IQCM: variants seen among roughly 807,000 people sequenced by gnomAD.
The protein encoded by IQCM is IQ domain-containing protein M.
In IQCM, 45 loss-of-function variants were observed where a neutral mutation model predicts 57.6. The ratio of observed to expected loss-of-function variants is 0.78; its 90% confidence interval spans 0.62 to 1.00. IQCM has a LOEUF of 1.00. IQCM is among the 50% of genes least tolerant of loss of function. IQCM has a pLI of 0.00. For synonymous variants in IQCM, 148 were observed against 158.9 expected (o/e 0.93, Z 0.51); for missense variants, 468 against 511.6 (o/e 0.91, Z 0.82).
At chr4:149,464,309 A>C (rs538291875) in intron 12 of IQCM, among the ~76,000 whole-genome samples, 3 of 152,254 alleles carry the variant, frequency 2.0e-5, no homozygotes, top group African/African-American at 7.2e-5. Context: ...CACTTAAATA[A>C]ATCTCAATCT....
chr4:149,450,848 T>C (rs1357724241), intron 12 of IQCM, among the ~76,000 whole-genome samples: 2 of 151,808 alleles, frequency 1.3e-5, no homozygotes, highest in Admixed American at 6.6e-5. Flanking sequence ...GATCTAGCAA[T>C]CCCACTGCTG....
chr4:149,434,638 C>A (rs1490916575), intron 12 of IQCM, among the ~76,000 whole-genome samples: 1 of 152,048 alleles, frequency 6.6e-6, no homozygotes. Context: ...TACCAGGTAT[C>A]CATCTATTGC....
intron 2 of IQCM, among the ~76,000 whole-genome samples, chr4:149,784,261 A>G (rs1486407045): frequency 3.3e-5 from 5 of 152,138 alleles, no homozygotes; most frequent in Admixed American, 2.0e-4. Context: ...TCTAGCTACA[A>G]TGGCCTTTAT....
chr4:149,502,178 ATG>A (rs1354636943), intron 12 of IQCM, among the ~76,000 whole-genome samples: 1 of 151,450 alleles, frequency 6.6e-6, no homozygotes, highest in Non-Finnish European at 1.5e-5. Flanking sequence ...ACACATATAT[ATG>A]TATGTATGTA....
At chr4:149,786,591 A>T (rs2150020641) in intron 2 of IQCM, among the ~76,000 whole-genome samples, 1 of 152,308 alleles carries the variant, frequency 6.6e-6, no homozygotes, top group East Asian at 1.9e-4. Flanking sequence ...GCCCAACATC[A>T]CTGATCATCA....
chr4:149,384,949 T>C (rs1371995985), intron 13 of IQCM, among the ~76,000 whole-genome samples: 3 of 152,106 alleles, frequency 2.0e-5, no homozygotes, highest in Non-Finnish European at 4.4e-5. Flanking sequence ...TTAGCTTCTT[T>C]ACTTTAAAAA....
intron 13 of IQCM, among the ~76,000 whole-genome samples, chr4:149,372,915 C>T (rs1221709609): frequency 5.3e-5 from 8 of 152,030 alleles, no homozygotes; most frequent in Non-Finnish European, 1.5e-5. Context: ...CTGAATAGCA[C>T]ATGAATATTG....
intron 7 of IQCM, among the ~76,000 whole-genome samples, chr4:149,659,002 T>A (rs1579885869): frequency 6.6e-6 from 1 of 152,188 alleles, no homozygotes; most frequent in East Asian, 1.9e-4. Context: ...TGAAGACTTC[T>A]AGTATTATGT....
intron 7 of IQCM, among the ~76,000 whole-genome samples, chr4:149,622,342 C>CTTTTTTTTT: frequency 7.1e-6 from 1 of 140,586 alleles, no homozygotes; most frequent in Non-Finnish European, 1.5e-5. Flanking sequence ...CAGTGGAATT[C>CTTTTTTTTT]TTTTTTATTT....
intron 13 of IQCM, among the ~76,000 whole-genome samples, chr4:149,352,453 T>C (rs1728643837): frequency 6.6e-6 from 1 of 152,222 alleles, no homozygotes; most frequent in Admixed American, 6.5e-5. Context: ...AAGTACTATG[T>C]TGAATCCACA....
At chr4:149,734,371 C>T (rs77895669) in intron 4 of IQCM, among the ~76,000 whole-genome samples, 1 of 152,024 alleles carries the variant, frequency 6.6e-6, no homozygotes, top group African/African-American at 2.4e-5. Flanking sequence ...AACATTCATC[C>T]CATGTTCCCA....
intron 7 of IQCM, among the ~76,000 whole-genome samples, chr4:149,665,586 G>T (rs915001148): frequency 6.6e-6 from 1 of 152,096 alleles, no homozygotes; most frequent in Non-Finnish European, 1.5e-5. Flanking sequence ...GTCTCTCTTT[G>T]TGGGGAGACA....
chr4:149,503,092 G>T (rs930624787), intron 12 of IQCM, among the ~76,000 whole-genome samples: 1 of 151,920 alleles, frequency 6.6e-6, no homozygotes, highest in Non-Finnish European at 1.5e-5. Context: ...GTGATGGCAT[G>T]TGGCTATAAT....
chr4:149,597,028 G>A (rs1216030261), intron 8 of IQCM, among the ~76,000 whole-genome samples: 4 of 152,022 alleles, frequency 2.6e-5, no homozygotes, highest in Non-Finnish European at 5.9e-5. Flanking sequence ...ATTATGTAAA[G>A]ACTATAAAAT....
chr4:149,601,071 T>C (rs936385608), intron 8 of IQCM, among the ~76,000 whole-genome samples: 1 of 152,174 alleles, frequency 6.6e-6, no homozygotes, highest in Non-Finnish European at 1.5e-5. Context: ...CTCGTACACA[T>C]TGTCACTACT....
chr4:149,550,370 C>T (rs538909600), intron 11 of IQCM, among the ~76,000 whole-genome samples: 9 of 152,270 alleles, frequency 5.9e-5, no homozygotes, highest in African/African-American at 1.9e-4. Flanking sequence ...ATTAGTTGTA[C>T]TTGAATTATT....
intron 7 of IQCM, among the ~76,000 whole-genome samples, chr4:149,624,957 A>G (rs1457182490): frequency 6.6e-6 from 1 of 152,186 alleles, no homozygotes; most frequent in African/African-American, 2.4e-5. Flanking sequence ...CCTTTTATCA[A>G]TTCTCTCGTA....
At chr4:149,523,913 G>T (rs2149836495) in intron 12 of IQCM, among the ~76,000 whole-genome samples, 1 of 152,264 alleles carries the variant, frequency 6.6e-6, no homozygotes, top group Admixed American at 6.5e-5. Context: ...AGACTGAAGA[G>T]TGGGTGGAAA....
intron 2 of IQCM, among the ~76,000 whole-genome samples, chr4:149,763,160 G>T (rs756605820): frequency 5.3e-5 from 8 of 151,764 alleles, no homozygotes; most frequent in Non-Finnish European, 1.2e-4. Flanking sequence ...CATCATCACG[G>T]TCGTCACCAG....
Sources: allele counts gnomAD v4.1 joint callset (sites outside exome capture counted in the v4.1 genomes callset), GRCh38; gene constraint gnomAD v4.1.1; transcripts MANE v1.5; gene names NCBI Gene and HGNC (gene_info 2026-07-23, HGNC 2026-07-21).